PIGP: variants seen among roughly 807,000 people sequenced by gnomAD.
The protein encoded by PIGP is phosphatidylinositol glycan anchor biosynthesis class P, also known as phosphatidylinositol N-acetylglucosaminyltransferase subunit P.
A neutral mutation model predicts 16.9 loss-of-function variants in PIGP; 12 were observed. The observed-to-expected ratio is 0.71, with a 90% CI of 0.46 to 1.15. The LOEUF is 1.15. Among genes scored for constraint, PIGP ranks in the 50% most tolerant of loss-of-function variants. The pLI is 0.00. For synonymous variants in PIGP, 57 were observed against 54.7 expected (o/e 1.04, Z -0.18); for missense variants, 159 against 153.5 (o/e 1.04, Z -0.19).
chr21:37,066,116 A>G (rs1460218695), intron 4 of PIGP, among the ~76,000 whole-genome samples: 6 of 151,636 alleles, frequency 4.0e-5, no homozygotes, highest in Non-Finnish European at 8.8e-5. Flanking sequence ...TAAATAAATA[A>G]ATAAAAATAA....
intron 2 of PIGP, among the ~76,000 whole-genome samples, chr21:37,071,027 C>T (rs2069996253): frequency 6.6e-6 from 1 of 152,214 alleles, no homozygotes; most frequent in African/African-American, 2.4e-5. Flanking sequence ...ACCCAAAGTG[C>T]CGGGATTACA....
intron 2 of PIGP, 138 bp from the exon 3 acceptor site, chr21:37,069,762 T>G: frequency 1.8e-6 from 1 of 544,802 alleles, no homozygotes; most frequent in African/African-American, 1.9e-5. Context: ...GATTTTTTCC[T>G]CCTTTCAGTT....
In PIGP at chr21:37,065,452, GAGA is replaced by G. The variant is rs915967307; in HGVS notation, c.*127_*129del. 10 of 760,470 alleles carry G rather than the reference GAGA, an allele frequency of 1.3e-5. No homozygotes were observed. The African/African-American group carries it at 2.4e-4, about 18-fold the overall frequency. The allele number at this position is 760,470 out of a possible 1,614,324, so 47.1% of individuals were successfully genotyped here. On this transcript the variant is annotated 3_prime_UTR_variant, in exon 5 of 5. Coordinates refer to ENST00000360525, the MANE Select transcript of PIGP (RefSeq NM_153682.3). ...ACAATATTCATTGAACATAATCTAA[GAGA>G]AGGTCAACTTACATTTTTTACTTCT...
rs147363513 is a variant in PIGP at position 37,065,606 on chromosome 21, G to A, written c.381C>T (p.Ala127=). The A allele has an allele frequency of 8.9e-4, 1,443 of 1,612,792 alleles. 3 individuals carry two copies. Among genetic ancestry groups the A allele is most frequent in the Non-Finnish European group, 1.2e-3 (1,396 of 1,179,466 alleles). Residue 127 remains alanine, a synonymous_variant, in exon 5 of 5, where the codon GCC becomes GCT. Transcript: ENST00000360525. The stretch of plus-strand genomic sequence containing the variant: ...TTCAGTTTTTGGTGTAAAGTTCTTT[G>A]GCTGCAAGAAAGAACATTTGGTTTA... ...SEVNQMFFLA[A]KELYTKN
At chr21:37,069,652 GGAAGA>G (rs1569297854) in intron 2 of PIGP, 28 bp from the exon 3 acceptor site, 1 of 1,435,904 alleles carries the variant, frequency 7.0e-7, no homozygotes, top group Non-Finnish European at 9.5e-7. Flanking sequence ...AAAAAAAAGA[GGAAGA>G]GAAGTCAGTA....
At position 37,066,477 on chromosome 21, in the gene PIGP, T is replaced by C. The variant is rs1045221649; in HGVS notation, c.275-765A>G. Among the ~76,000 whole-genome samples the C allele has an allele frequency of 2.3e-4, 35 of 152,326 alleles. 1 individual carries two copies. Among genetic ancestry groups the C allele is most frequent in the Admixed American group, 1.8e-3 (28 of 15,300 alleles). ...GCTAATATATAAAGGTTTTGAAAAGTTGAAAAATCATACCAGGGAACTTAA... is the reference window on the plus strand; with the variant it reads ...GCTAATATATAAAGGTTTTGAAAAGCTGAAAAATCATACCAGGGAACTTAA... On this transcript the variant is annotated intron_variant, in intron 4 of 4. Coordinates refer to ENST00000360525, the MANE Select transcript of PIGP (RefSeq NM_153682.3).
chr21:37,070,646 A>T (rs1296184862), intron 2 of PIGP, among the ~76,000 whole-genome samples: 5 of 152,218 alleles, frequency 3.3e-5, no homozygotes, highest in African/African-American at 1.2e-4. Context: ...CCCCGGCATG[A>T]GAATGAAGAC....
chr21:37,072,523 G>A lies in PIGP; in HGVS notation c.-8C>T, dbSNP rs779927383. On this transcript the variant is annotated 5_prime_UTR_variant, in exon 2 of 5. Coordinates refer to ENST00000360525, the MANE Select transcript of PIGP (RefSeq NM_153682.3). ...CGGTGAATTTTCCACCATTTTTCCT[G>A]GGGCTTTAGACAATCTGTGGAAAAG... The A allele has an allele frequency of 1.7e-5, 28 of 1,614,212 alleles. No homozygotes were observed. In the South Asian group the frequency reaches 3.0e-4, roughly 17 times the overall value.
rs531811223 is a variant in PIGP at position 37,072,685 on chromosome 21, G to A, written c.-22-148C>T. ...TCCGCAACCCGCGCCCCCGCCTCGA[G>A]CGCATACAGACACCCAGGCTGGCGC... On this transcript the variant is annotated intron_variant, in intron 1 of 4. Transcript: ENST00000360525. 3.7e-6 allele frequency: 5 copies of A among 1,361,328 alleles called. No homozygotes were observed. In the African/African-American group the frequency reaches 4.3e-5, roughly 12 times the overall value. The allele number at this position is 1,361,328 out of a possible 1,614,324, so 84.3% of individuals were successfully genotyped here.
At chr21:37,072,672 G>GC (rs2070178704) in intron 1 of PIGP, 135 bp from the exon 2 acceptor site, 2 of 1,489,468 alleles carry the variant, frequency 1.3e-6, no homozygotes, top group Admixed American at 1.8e-5. Flanking sequence ...CGCAACCCGC[G>GC]CCCCCGCCTC....
intron 1 of PIGP, 176 bp from the exon 2 acceptor site, chr21:37,072,713 G>T: frequency 1.0e-6 from 1 of 998,890 alleles, no homozygotes; most frequent in South Asian, 1.5e-5. Flanking sequence ...GCTGGCGCGC[G>T]CCCCGCAACA....
chr21:37,066,056 C>T (rs578095600), intron 4 of PIGP, among the ~76,000 whole-genome samples: 2 of 151,370 alleles, frequency 1.3e-5, no homozygotes, highest in African/African-American at 4.9e-5. Flanking sequence ...GCACTCCAGC[C>T]TGGGTGACAG....
At chr21:37,069,663 C>T (rs1270098393) in intron 2 of PIGP, 39 bp from the exon 3 acceptor site, 7 of 1,322,764 alleles carry the variant, frequency 5.3e-6, no homozygotes, top group Non-Finnish European at 5.3e-6. Flanking sequence ...GAAGAGAAGT[C>T]AGTAAGACAT....
chr21:37,068,864 T>TAA (rs2069951141), intron 3 of PIGP, among the ~76,000 whole-genome samples: 1 of 152,188 alleles, frequency 6.6e-6, no homozygotes, highest in Non-Finnish European at 1.5e-5. Flanking sequence ...ATCTTCTCAT[T>TAA]AAGCCATGTA....
chr21:37,072,745 G>T, intron 1 of PIGP: 1 of 717,546 alleles, frequency 1.4e-6, no homozygotes, highest in Non-Finnish European at 2.3e-6. Flanking sequence ...GGAGGATAGG[G>T]CAGGGAGGGG....
chr21:37,070,596 T>C (rs946569994), intron 2 of PIGP, among the ~76,000 whole-genome samples: 5 of 152,204 alleles, frequency 3.3e-5, no homozygotes, highest in Non-Finnish European at 5.9e-5. Context: ...CCTGATACTA[T>C]ATACGTTTTT....
intron 3 of PIGP, among the ~76,000 whole-genome samples, chr21:37,067,792 A>G (rs2069932392): frequency 6.6e-6 from 1 of 152,178 alleles, no homozygotes; most frequent in African/African-American, 2.4e-5. Context: ...TTTAGAAATA[A>G]TTGTACCTAC....
At chr21:37,069,475 G>C in intron 3 of PIGP, 77 bp downstream of exon 3, 2 of 806,666 alleles carry the variant, frequency 2.5e-6, no homozygotes, top group Non-Finnish European at 3.9e-6. Flanking sequence ...TTTAAGATTT[G>C]GGTAGGTTTA....
At chr21:37,072,844 C>T (rs890387087) in intron 1 of PIGP, 156 bp downstream of exon 1, 1 of 476,930 alleles carries the variant, frequency 2.1e-6, no homozygotes, top group Non-Finnish European at 3.7e-6. Context: ...CGCGCGGCGC[C>T]CACCAGCATG....
Sources: allele counts gnomAD v4.1 joint callset (sites outside exome capture counted in the v4.1 genomes callset), GRCh38; gene constraint gnomAD v4.1.1; transcripts MANE v1.5; gene names NCBI Gene and HGNC (gene_info 2026-07-23, HGNC 2026-07-21).